Variants in SYNPO observed in about 807,000 individuals in gnomAD.
SYNPO encodes synaptopodin.
In SYNPO, 19 loss-of-function variants were observed where a neutral mutation model predicts 49.5. That is an observed-to-expected ratio of 0.38 (90% CI 0.27 to 0.56). The LOEUF (loss-of-function observed/expected upper bound fraction) is 0.56, where lower values mean the gene tolerates loss of function less well. Among genes scored for constraint, SYNPO ranks in the 20% least tolerant of loss-of-function variants. The pLI is 0.68. For synonymous variants in SYNPO, 536 were observed against 548.0 expected (o/e 0.98, Z 0.31); for missense variants, 1,131 against 1,248.3 (o/e 0.91, Z 1.42).
chr5:150,600,964 C>T (rs993508867), upstream of SYNPO: 3 of 152,088 alleles, frequency 2.0e-5, no homozygotes, highest in African/African-American at 7.2e-5. Context: ...CCCATATGCT[C>T]GGAAACAAAA....
At chr5:150,586,567 TGGAA>T in the SYNPO span, among the ~76,000 whole-genome samples, 2 of 133,778 alleles carry the variant, frequency 1.5e-5, no homozygotes, top group African/African-American at 3.4e-5. Flanking sequence ...GACGGGTGGA[TGGAA>T]GGATGGATGG....
At chr5:150,635,785 T>C (rs1309209418), upstream of SYNPO, among the ~76,000 whole-genome samples, 1 of 152,214 alleles carries the variant, frequency 6.6e-6, no homozygotes, top group Non-Finnish European at 1.5e-5. Flanking sequence ...ATTCGTGTCC[T>C]ACCTCCACAT....
upstream of SYNPO, among the ~76,000 whole-genome samples, chr5:150,639,777 C>T (rs1757832023): frequency 6.6e-6 from 1 of 152,220 alleles, no homozygotes; most frequent in African/African-American, 2.4e-5. Flanking sequence ...GTTTATTCTG[C>T]AAGTGCCAAT....
intron 1 of SYNPO, among the ~76,000 whole-genome samples, chr5:150,603,192 G>C (rs1263313881): frequency 2.0e-5 from 3 of 152,238 alleles, no homozygotes; most frequent in Admixed American, 1.3e-4. Context: ...ACATTTTCAA[G>C]TGCTTTGTCC....
chr5:150,613,663 G>C (rs1347403709), intron 1 of SYNPO, among the ~76,000 whole-genome samples: 1 of 152,180 alleles, frequency 6.6e-6, no homozygotes, highest in Non-Finnish European at 1.5e-5. Flanking sequence ...AGCAGGTGGG[G>C]AGGTCAGGTA....
chr5:150,590,326 G>T, the SYNPO span, among the ~76,000 whole-genome samples: 1 of 152,218 alleles, frequency 6.6e-6, no homozygotes, highest in African/African-American at 2.4e-5. Context: ...GGGGGAGAGA[G>T]GGACCGCCAC....
At chr5:150,597,990 G>A (rs1451373417), upstream of SYNPO, among the ~76,000 whole-genome samples, 2 of 152,020 alleles carry the variant, frequency 1.3e-5, no homozygotes, top group African/African-American at 2.4e-5. Context: ...GAAACCACCC[G>A]GTTACCTAAG....
chr5:150,645,662 T>C (rs1383025407), intron 1 of SYNPO, among the ~76,000 whole-genome samples: 2 of 152,086 alleles, frequency 1.3e-5, no homozygotes, highest in South Asian at 2.1e-4. Context: ...TTGGGATGAG[T>C]AGACCACTTG....
chr5:150,649,503 G>A lies in SYNPO; in HGVS notation c.1228G>A (p.Asp410Asn), dbSNP rs1758262525. The change falls in exon 2 of 3, where the codon GAC becomes AAC. Residue 410 changes from aspartate (D) to asparagine (N), a missense_variant. Around this residue, in one of 4 missense-constraint regions of SYNPO, gnomAD observed 602 missense variants for 720.7 expected, o/e 0.84. Coordinates refer to ENST00000307662, the MANE Select transcript of SYNPO (RefSeq NM_007286.6). ...QTADEKRRQR[D>N]QGEVGVEEEP... The stretch of plus-strand genomic sequence containing the variant: ...AGCGGATGAGAAGCGGCGGCAGAGG[G>A]ACCAGGGGGAGGTAGGCGTGGAGGA... 6.2e-7 allele frequency: 1 copy of A among 1,613,288 alleles called. No individual in the cohort carries two copies. The highest frequency in any genetic ancestry group is 1.1e-5 in the South Asian group (1 of 91,022).
Position 150,649,047 on chromosome 5 carries a change from C to T in SYNPO, c.772C>T (p.Pro258Ser). The change falls in exon 2 of 3, where the codon CCC (proline) becomes TCC (serine). Residue 258 changes from proline to serine, a missense_variant. Transcript: ENST00000307662. ...PGGTSQMERS[P>S]MLERRHFGEK... Reference sequence around the variant, plus strand: ...GGGCACCAGCCAGATGGAGAGGAGCCCCATGCTAGAGAGACGACATTTTGG... The same window carrying T: ...GGGCACCAGCCAGATGGAGAGGAGCTCCATGCTAGAGAGACGACATTTTGG... 1 of 1,614,206 alleles carries T rather than the reference C, an allele frequency of 6.2e-7. No individual in the cohort carries two copies. The highest frequency in any genetic ancestry group is 8.5e-7 in the Non-Finnish European group (1 of 1,180,030).
rs1359065450 is a variant in SYNPO at position 150,650,546 on chromosome 5, C to T, written c.2028+243C>T. 4.1e-6 allele frequency: 6 copies of T among 1,466,610 alleles called. No individual in the cohort carries two copies. In the Admixed American group the frequency reaches 7.6e-5, roughly 19 times the overall value. 90.8% of individuals were successfully genotyped at this position (1,466,610 alleles called of 1,614,324 possible). A position where few individuals can be genotyped will look rare whatever the true frequency, so the allele number is the denominator to read the frequency against. ...GCCCCTCCCCTACTACAACAGGGGT[C>T]GGACTCCATGTCTGAGCGGGGAGGA... is the stretch of plus-strand genomic sequence containing the variant. On this transcript the variant is annotated intron_variant, in intron 2 of 2. Transcript: ENST00000307662.
intron 2 of SYNPO, among the ~76,000 whole-genome samples, chr5:150,627,571 A>C (rs1338703886): frequency 1.3e-5 from 2 of 152,204 alleles, no homozygotes; most frequent in Non-Finnish European, 1.5e-5. Context: ...GAAGCAAATA[A>C]ATCATCAAGA....
chr5:150,621,422 G>A (rs1757170014), intron 2 of SYNPO, among the ~76,000 whole-genome samples: 1 of 152,182 alleles, frequency 6.6e-6, no homozygotes, highest in Non-Finnish European at 1.5e-5. Flanking sequence ...AAAATCCGGT[G>A]GTCTTGGGTC....
intron 2 of SYNPO, among the ~76,000 whole-genome samples, chr5:150,631,260 T>C (rs899580087): frequency 2.0e-5 from 3 of 152,142 alleles, no homozygotes; most frequent in African/African-American, 7.2e-5. Context: ...CAAATCCTTA[T>C]GGAATTACAA....
the SYNPO span, among the ~76,000 whole-genome samples, chr5:150,592,038 G>C: frequency 6.6e-6 from 1 of 152,172 alleles, no homozygotes; most frequent in African/African-American, 2.4e-5. Flanking sequence ...GGTGGCGCAT[G>C]CCTATAATCC....
the SYNPO span, among the ~76,000 whole-genome samples, chr5:150,588,271 ACT>A: frequency 2.0e-5 from 3 of 151,640 alleles, no homozygotes; most frequent in Non-Finnish European, 2.9e-5. Flanking sequence ...GTGACTTTCC[ACT>A]CTCTGGTGTG....
At chr5:150,614,096 C>T (rs147655358) in intron 1 of SYNPO, among the ~76,000 whole-genome samples, 360 of 152,318 alleles carry the variant, frequency 2.4e-3, no homozygotes, top group African/African-American at 8.4e-3. Flanking sequence ...TCCTCATTCC[C>T]CACTGGGTGA....
chr5:150,588,698 G>A, the SYNPO span, among the ~76,000 whole-genome samples: 1 of 151,908 alleles, frequency 6.6e-6, no homozygotes. Flanking sequence ...GGCTGGGGCG[G>A]TGCTCCCAGG....
upstream of SYNPO, among the ~76,000 whole-genome samples, chr5:150,638,095 G>A (rs112055770): frequency 8.1e-3 from 1,231 of 152,144 alleles, 18 homozygotes; most frequent in African/African-American, 0.028. Context: ...TATGGGGGTA[G>A]GTAGGGGAGT....
Sources: allele counts gnomAD v4.1 joint callset (sites outside exome capture counted in the v4.1 genomes callset), GRCh38; gene constraint gnomAD v4.1.1; regional missense constraint gnomAD v4.1.1; transcripts MANE v1.5; gene names NCBI Gene and HGNC (gene_info 2026-07-23, HGNC 2026-07-21).